Variants in TTLL4 observed in about 807,000 individuals in gnomAD.
TTLL4 encodes tubulin monoglutamylase TTLL4.
A neutral mutation model predicts 122.7 loss-of-function variants in TTLL4; 85 were observed. That is an observed-to-expected ratio of 0.69 (90% CI 0.58 to 0.83). The LOEUF (loss-of-function observed/expected upper bound fraction) is 0.83. Among genes scored for constraint, TTLL4 ranks in the 40% least tolerant of loss-of-function variants. The probability of loss-of-function intolerance (pLI) is 0.00; values close to 1 mark genes in which losing one functional copy is unlikely to be tolerated. For synonymous variants in TTLL4, 553 were observed against 563.0 expected (o/e 0.98, Z 0.25); for missense variants, 1,363 against 1,488.6 (o/e 0.92, Z 1.39).
chr2:218,745,598 AG>A, intron 6 of TTLL4, 92 bp from the exon 7 acceptor site: 2 of 862,380 alleles, frequency 2.3e-6, no homozygotes, highest in Non-Finnish European at 3.8e-6. Flanking sequence ...TGCCCAGGGA[AG>A]AATGGGCAGC....
intron 18 of TTLL4, 141 bp downstream of exon 18, chr2:218,753,326 C>T (rs1943075572): frequency 9.6e-7 from 1 of 1,036,288 alleles, no homozygotes; most frequent in Non-Finnish European, 1.5e-6. Flanking sequence ...CCATTCTTTC[C>T]TTTCAAGGGA....
intron 2 of TTLL4, among the ~76,000 whole-genome samples, chr2:218,734,830 C>T (rs965793754): frequency 2.6e-5 from 4 of 152,150 alleles, no homozygotes; most frequent in African/African-American, 9.7e-5. Context: ...TGCTTGTAGT[C>T]TCGTAAAGTG....
chr2:218,732,494 C>T (rs979410051), intron 2 of TTLL4, among the ~76,000 whole-genome samples: 1 of 152,160 alleles, frequency 6.6e-6, no homozygotes, highest in African/African-American at 2.4e-5. Flanking sequence ...CAGAGTATAT[C>T]ACAGGGAATG....
At chr2:218,715,570 C>A (rs1186774021) in intron 1 of TTLL4, among the ~76,000 whole-genome samples, 1 of 152,058 alleles carries the variant, frequency 6.6e-6, no homozygotes, top group Non-Finnish European at 1.5e-5. Context: ...ACAGTTGCAA[C>A]ACAATGCATC....
chr2:218,753,546 G>A (rs770584052), intron 18 of TTLL4, 38 bp from the exon 19 acceptor site: 47 of 1,605,922 alleles, frequency 2.9e-5, no homozygotes, highest in South Asian at 1.3e-4. Flanking sequence ...CCTTGCCTCC[G>A]CCAAGCCTTT....
At chr2:218,744,161 T>G (rs1223654357) in intron 5 of TTLL4, among the ~76,000 whole-genome samples, 7 of 152,246 alleles carry the variant, frequency 4.6e-5, no homozygotes, top group African/African-American at 1.7e-4. Flanking sequence ...ATTAAAAATC[T>G]TTAAGAGTTA....
At chr2:218,749,467 C>CTTTTTTTTTTT (rs368058156) in intron 14 of TTLL4, 80 bp downstream of exon 14, 1 of 1,046,076 alleles carries the variant, frequency 9.6e-7, no homozygotes. Flanking sequence ...GTAAGTTGTT[C>CTTTTTTTTTTT]TTTTTTTTTT....
chr2:218,718,455 C>T (rs1057054857), intron 1 of TTLL4, among the ~76,000 whole-genome samples: 14 of 151,828 alleles, frequency 9.2e-5, no homozygotes, highest in East Asian at 1.9e-4. Context: ...CTCGGCTCAC[C>T]GCAACCTCTG....
At chr2:218,752,186 G>A (rs1255486155) in intron 16 of TTLL4, among the ~76,000 whole-genome samples, 2 of 152,180 alleles carry the variant, frequency 1.3e-5, no homozygotes, top group Non-Finnish European at 2.9e-5. Flanking sequence ...GGGATTACAG[G>A]CGTGAGCCAC....
rs1012648216 is a variant in TTLL4, at chr2:218,728,948, G to A, written c.-99+1601G>A. Among the ~76,000 whole-genome samples, 16 of 148,158 alleles carry A rather than the reference G, an allele frequency of 1.1e-4. No homozygotes were observed. The East Asian group carries it at 1.6e-3, about 15-fold the overall frequency. ...TTTTTTTTTTTTTTTTTTTGGCGGG[G>A]GGGGGCATAGTTTTGTTCTTGTTGC... is the stretch of plus-strand genomic sequence containing the variant. On this transcript the variant is annotated intron_variant, in intron 2 of 19. Transcript: ENST00000392102.
chr2:218,734,011 A>G (rs1308545887), intron 2 of TTLL4, among the ~76,000 whole-genome samples: 1 of 152,166 alleles, frequency 6.6e-6, no homozygotes, highest in Non-Finnish European at 1.5e-5. Flanking sequence ...AGTGTTTCCA[A>G]CCTGGCTTTT....
chr2:218,755,713 A>C (rs1943139016), downstream of TTLL4, among the ~76,000 whole-genome samples: 1 of 152,152 alleles, frequency 6.6e-6, no homozygotes, highest in Non-Finnish European at 1.5e-5. Flanking sequence ...TTCTCTTTGC[A>C]CATCAGGCAG....
Position 218,737,971 on chromosome 2 carries a change from C to T in TTLL4, c.295C>T (p.His99Tyr). 6.2e-7 allele frequency: 1 copy of T among 1,614,230 alleles called. No individual in the cohort carries two copies. The highest frequency in any genetic ancestry group is 8.5e-7 in the Non-Finnish European group (1 of 1,180,046). Residue 99 changes from histidine (H) to tyrosine (Y), a missense_variant, in exon 3 of 20, where the codon CAC (histidine) becomes TAC (tyrosine). Physicochemically the swap from His to Tyr is moderately conservative, Grantham distance 83. This residue lies in a region of TTLL4 where 760 missense variants were observed against 808.4 expected (regional missense o/e 0.94). Coordinates refer to ENST00000392102, the MANE Select transcript of TTLL4 (RefSeq NM_014640.5). ...SSGTTAVIAG[H>Y]SSSCYLHSLP... ...TGGGACCACGGCTGTCATTGCAGGCCACAGCAGTTCCTGTTACCTACACTC... is the reference window on the plus strand; with the variant it reads ...TGGGACCACGGCTGTCATTGCAGGCTACAGCAGTTCCTGTTACCTACACTC...
chr2:218,757,418 A>G (rs926189298), downstream of TTLL4, among the ~76,000 whole-genome samples: 2 of 152,258 alleles, frequency 1.3e-5, no homozygotes, highest in African/African-American at 4.8e-5. Flanking sequence ...TCCCTGAGAA[A>G]GGAAGCACAT....
In TTLL4 at chr2:218,740,614, A is replaced by T. The variant is rs745825534; in HGVS notation, c.1661+30A>T. 7 of 1,610,816 alleles carry T rather than the reference A, an allele frequency of 4.3e-6. No individual in the cohort carries two copies. The South Asian group carries it at 6.6e-5, about 15-fold the overall frequency. On this transcript the variant is annotated intron_variant, in intron 5 of 19. Coordinates refer to ENST00000392102, the MANE Select transcript of TTLL4 (RefSeq NM_014640.5). ...GTGTGGCTGTATAGATCATTGTTAC[A>T]TGCTCATCTTTTGTCTCTTAAAGAT...
At chr2:218,737,384 C>T (rs1942553592) in intron 2 of TTLL4, among the ~76,000 whole-genome samples, 195 bp from the exon 3 acceptor site, 1 of 152,076 alleles carries the variant, frequency 6.6e-6, no homozygotes, top group Non-Finnish European at 1.5e-5. Context: ...CAGCTTTGAT[C>T]CTATGAGGGC....
Position 218,738,129 on chromosome 2 carries a change from G to A in TTLL4, c.453G>A (p.Lys151=). 1 of 1,613,986 alleles carries A rather than the reference G, an allele frequency of 6.2e-7. No homozygotes were observed. Among genetic ancestry groups the A allele is most frequent in the Non-Finnish European group, 8.5e-7 (1 of 1,179,998 alleles). The change falls in exon 3 of 20, where the codon AAG becomes AAA. Residue 151 remains lysine (K), a synonymous_variant. Coordinates refer to ENST00000392102, the MANE Select transcript of TTLL4 (RefSeq NM_014640.5). ...AAAGCCCTTTTTCTCTCCCTCAAAA[G>A]AGCCTCCCTGTCAGTCTCACTGCCA... ...SEKSPFSLPQ[K]SLPVSLTANK...
chr2:218,726,113 G>A (rs1942185312), intron 1 of TTLL4, among the ~76,000 whole-genome samples: 1 of 152,008 alleles, frequency 6.6e-6, no homozygotes, highest in African/African-American at 2.4e-5. Flanking sequence ...TGGTGGTAGT[G>A]AATTCTTTCA....
chr2:218,745,784 A>G lies in TTLL4; in HGVS notation c.1880A>G (p.His627Arg). The change falls in exon 7 of 20, where the codon CAC (histidine) becomes CGC (arginine). Residue 627 changes from histidine to arginine, a missense_variant. His to Arg is a conservative substitution (Grantham distance 29, BLOSUM62 0). Transcript: ENST00000392102. ...NIVKQTIGRS[H>R]FKISKRNDDW... Reference sequence around the variant, plus strand: ...GTCAAGCAGACCATTGGACGGTCCCACTTCAAAATCAGCAAAAGTGAGTTG... The same window carrying G: ...GTCAAGCAGACCATTGGACGGTCCCGCTTCAAAATCAGCAAAAGTGAGTTG... 1 of 1,613,332 alleles carries G rather than the reference A, an allele frequency of 6.2e-7. No individual in the cohort carries two copies. The highest frequency in any genetic ancestry group is 8.5e-7 in the Non-Finnish European group (1 of 1,179,710).
Sources: gnomAD v4.1 joint callset for allele counts (sites outside exome capture counted in the v4.1 genomes callset) on GRCh38, gnomAD v4.1.1 for gene constraint, gnomAD v4.1.1 regional missense constraint, MANE v1.5 for transcripts, NCBI Gene and HGNC (gene_info 2026-07-23, HGNC 2026-07-21) for gene names.